NRXN3: variants seen among roughly 807,000 people sequenced by gnomAD.
NRXN3 encodes neurexin 3.
A neutral mutation model predicts 137.6 loss-of-function variants in NRXN3; 32 were observed. The observed-to-expected ratio is 0.23, with a 90% CI of 0.18 to 0.31. The LOEUF (loss-of-function observed/expected upper bound fraction) is 0.31, where lower values mean the gene tolerates loss of function less well. NRXN3 is among the 10% of genes least tolerant of loss of function. The pLI is 1.00. For synonymous variants in NRXN3, 798 were observed against 784.5 expected (o/e 1.02, Z -0.29); for missense variants, 1,574 against 2,062.5 (o/e 0.76, Z 4.59).
chr14:78,754,239 ACT>A (rs922481653), intron 8 of NRXN3, among the ~76,000 whole-genome samples: 2 of 152,054 alleles, frequency 1.3e-5, no homozygotes, highest in African/African-American at 4.8e-5. Flanking sequence ...ACTGGAGCTG[ACT>A]CAGCCTAATG....
intron 4 of NRXN3, among the ~76,000 whole-genome samples, chr14:78,404,329 C>T (rs571136089): frequency 1.3e-5 from 2 of 151,960 alleles, no homozygotes; most frequent in South Asian, 2.1e-4. Flanking sequence ...TTGGAGGAGG[C>T]AGCTATAGAT....
chr14:79,282,854 G>A (rs534443332), intron 15 of NRXN3, among the ~76,000 whole-genome samples: 3 of 152,264 alleles, frequency 2.0e-5, no homozygotes, highest in South Asian at 2.1e-4. Context: ...GGCTTGGAGA[G>A]TGAATGCATC....
At chr14:78,636,885 A>T (rs975722263) in intron 4 of NRXN3, among the ~76,000 whole-genome samples, 2 of 151,956 alleles carry the variant, frequency 1.3e-5, no homozygotes, top group African/African-American at 4.8e-5. Context: ...CTGGATCCCT[A>T]TATTACATAA....
At chr14:79,351,528 T>C (rs529565234) in intron 15 of NRXN3, among the ~76,000 whole-genome samples, 3 of 152,314 alleles carry the variant, frequency 2.0e-5, no homozygotes, top group South Asian at 4.1e-4. Flanking sequence ...ACGGTAGATA[T>C]GACAATGAGC....
chr14:79,144,255 G>C (rs1349673609), intron 15 of NRXN3, among the ~76,000 whole-genome samples: 1 of 152,156 alleles, frequency 6.6e-6, no homozygotes, highest in Non-Finnish European at 1.5e-5. Flanking sequence ...TTGTACAATG[G>C]CTGGCCAAAT....
intron 15 of NRXN3, among the ~76,000 whole-genome samples, chr14:79,133,727 T>A (rs369523017): frequency 6.6e-6 from 1 of 151,722 alleles, no homozygotes; most frequent in African/African-American, 2.4e-5. Context: ...GGATCGAGAC[T>A]ATCCTGGCTA....
intron 16 of NRXN3, among the ~76,000 whole-genome samples, chr14:79,533,377 T>G (rs2097185809): frequency 2.0e-5 from 3 of 151,996 alleles, no homozygotes; most frequent in Non-Finnish European, 4.4e-5. Context: ...GTGCAAAGTG[T>G]CATCTTCTAC....
At chr14:78,551,211 C>G (rs140791816) in intron 4 of NRXN3, among the ~76,000 whole-genome samples, 1 of 152,312 alleles carries the variant, frequency 6.6e-6, no homozygotes, top group African/African-American at 2.4e-5. Flanking sequence ...ACTTAAGGCT[C>G]TATTGGCATT....
chr14:78,483,112 C>A (rs1399946195), intron 4 of NRXN3, among the ~76,000 whole-genome samples: 1 of 152,038 alleles, frequency 6.6e-6, no homozygotes, highest in African/African-American at 2.4e-5. Flanking sequence ...AGAGTGAGCT[C>A]ACAAAAAGAC....
At chr14:78,726,521 T>TA (rs1168025365) in intron 8 of NRXN3, among the ~76,000 whole-genome samples, 48 of 148,214 alleles carry the variant, frequency 3.2e-4, no homozygotes, top group African/African-American at 1.1e-3. Context: ...TTAGCTTTTT[T>TA]TTTTTTTTTT....
Position 79,291,121 on chromosome 14 carries a change from T to C in NRXN3, c.3263-176100T>C, listed in dbSNP as rs147260375. On this transcript the variant is annotated intron_variant, in intron 15 of 20. Transcript: ENST00000335750. ...TATATATCTTTTTTCATTGAATCAA[T>C]ATCTCTGCATAATGGAATGGTCACC... 2.0e-5 allele frequency among the ~76,000 whole-genome samples: 3 copies of C among 152,326 alleles called. No individual in the cohort carries two copies. In the East Asian group the frequency reaches 5.8e-4, roughly 29 times the overall value.
At chr14:78,368,940 A>G (rs1450948551) in intron 4 of NRXN3, among the ~76,000 whole-genome samples, 2 of 152,112 alleles carry the variant, frequency 1.3e-5, no homozygotes, top group Non-Finnish European at 2.9e-5. Flanking sequence ...GTGTTCTACA[A>G]ATTATTTCTT....
intron 10 of NRXN3, among the ~76,000 whole-genome samples, chr14:78,910,525 T>A (rs1319269753): frequency 6.6e-6 from 1 of 152,072 alleles, no homozygotes; most frequent in Non-Finnish European, 1.5e-5. Context: ...CCTAGAGCAT[T>A]TTCCCCCAAG....
intron 10 of NRXN3, among the ~76,000 whole-genome samples, chr14:78,843,918 T>C (rs779335021): frequency 9.2e-5 from 14 of 152,078 alleles, no homozygotes; most frequent in Non-Finnish European, 1.8e-4. Flanking sequence ...GAAGCTTGAA[T>C]GGTGTCACAG....
chr14:78,605,164 G>C (rs962624203), intron 4 of NRXN3, among the ~76,000 whole-genome samples: 2 of 152,046 alleles, frequency 1.3e-5, no homozygotes, highest in Non-Finnish European at 2.9e-5. Flanking sequence ...TGGTCCTTTT[G>C]AGTTTTAAGT....
At chr14:78,216,730 T>C (rs1208572006) in intron 1 of NRXN3, among the ~76,000 whole-genome samples, 2 of 152,220 alleles carry the variant, frequency 1.3e-5, no homozygotes, top group Non-Finnish European at 2.9e-5. Context: ...TAGCTCATAG[T>C]TCTGGAGGCC....
intron 4 of NRXN3, among the ~76,000 whole-genome samples, chr14:78,487,020 C>T (rs2095571547): frequency 6.6e-6 from 1 of 152,104 alleles, no homozygotes; most frequent in Non-Finnish European, 1.5e-5. Flanking sequence ...AGACGTAGGC[C>T]TGTATGTCCC....
At chr14:79,251,211 G>A (rs2075874963) in intron 15 of NRXN3, among the ~76,000 whole-genome samples, 1 of 152,178 alleles carries the variant, frequency 6.6e-6, no homozygotes, top group Admixed American at 6.5e-5. Context: ...TTTCTCCGGG[G>A]AAATGTAGCA....
intron 8 of NRXN3, among the ~76,000 whole-genome samples, chr14:78,723,861 G>A (rs1273942075): frequency 6.6e-6 from 1 of 152,080 alleles, no homozygotes; most frequent in Non-Finnish European, 1.5e-5. Flanking sequence ...ATATGATACA[G>A]GTTAGAGTTT....
Sources: allele counts gnomAD v4.1 joint callset (sites outside exome capture counted in the v4.1 genomes callset), GRCh38; gene constraint gnomAD v4.1.1; transcripts MANE v1.5; gene names NCBI Gene and HGNC (gene_info 2026-07-23, HGNC 2026-07-21).